The following CORO2B variants were observed in gnomAD, a reference collection of about 807,000 sequenced individuals.
CORO2B encodes the protein coronin 2B.
CORO2B carries 26 observed loss-of-function variants against 58.8 expected under a neutral mutation model. The ratio of observed to expected loss-of-function variants is 0.44; its 90% confidence interval spans 0.32 to 0.61. The LOEUF is 0.61. CORO2B is among the 20% of genes least tolerant of loss of function. The probability of loss-of-function intolerance (pLI) is 0.04; values close to 1 mark genes in which losing one functional copy is unlikely to be tolerated. For synonymous variants in CORO2B, 242 were observed against 253.8 expected (o/e 0.95, Z 0.44); for missense variants, 460 against 645.1 (o/e 0.71, Z 3.11).
chr15:68,618,080 A>G (rs564936246), intron 1 of CORO2B, among the ~76,000 whole-genome samples: 1 of 152,260 alleles, frequency 6.6e-6, no homozygotes, highest in East Asian at 1.9e-4. Context: ...CTTTTTTGCT[A>G]TAGTTGCTAG....
chr15:68,712,823 G>A (rs1166998485), intron 5 of CORO2B, among the ~76,000 whole-genome samples: 1 of 152,098 alleles, frequency 6.6e-6, no homozygotes, highest in East Asian at 1.9e-4. Flanking sequence ...GAATCTCACA[G>A]TTCCAGGAGG....
upstream of CORO2B, among the ~76,000 whole-genome samples, chr15:68,574,732 G>A (rs915758017): frequency 2.6e-5 from 4 of 152,206 alleles, no homozygotes; most frequent in African/African-American, 9.7e-5. Flanking sequence ...AGCCCATAAA[G>A]AGACAGAAGC....
intron 1 of CORO2B, among the ~76,000 whole-genome samples, chr15:68,633,974 G>A (rs1041723135): frequency 4.6e-5 from 7 of 152,264 alleles, no homozygotes; most frequent in African/African-American, 1.7e-4. Flanking sequence ...TCTGAACACG[G>A]GATCCCGGTT....
At position 68,584,191 on chromosome 15, in the gene CORO2B, G is replaced by C. The variant is rs760972160; in HGVS notation, c.15+4914G>C. 2.7e-4 allele frequency among the ~76,000 whole-genome samples: 41 copies of C among 152,204 alleles called. 2 individuals carry two copies. The highest frequency in any genetic ancestry group is 1.0e-4 in the Non-Finnish European group (7 of 68,046). The stretch of plus-strand genomic sequence containing the variant: ...CATGAGCCAGGAGACCTCTTGCCTT[G>C]CCTGCATACTGTAAGTGCCTAATGA... On this transcript the variant is annotated intron_variant, in intron 1 of 11. Coordinates refer to ENST00000261861, the MANE Select transcript of CORO2B (RefSeq NM_006091.5).
At chr15:68,520,728 C>G in the CORO2B span, among the ~76,000 whole-genome samples, 2 of 152,172 alleles carry the variant, frequency 1.3e-5, no homozygotes, top group African/African-American at 4.8e-5. Flanking sequence ...CCCTTGTAAA[C>G]AGCATAGCAT....
chr15:68,553,861 C>A, the CORO2B span, among the ~76,000 whole-genome samples: 1 of 152,198 alleles, frequency 6.6e-6, no homozygotes. Context: ...GCCTTACAAG[C>A]CGTGATGAAG....
At chr15:68,608,552 A>G (rs1293864491) in intron 1 of CORO2B, among the ~76,000 whole-genome samples, 1 of 152,180 alleles carries the variant, frequency 6.6e-6, no homozygotes, top group Non-Finnish European at 1.5e-5. Context: ...GTTGGGGGAC[A>G]TTCTGTTTTT....
upstream of CORO2B, among the ~76,000 whole-genome samples, chr15:68,575,657 G>A (rs1899270814): frequency 2.9e-5 from 4 of 140,146 alleles, no homozygotes; most frequent in Admixed American, 3.3e-4. Flanking sequence ...TTATACTGGT[G>A]TATTCACCTT....
intron 1 of CORO2B, among the ~76,000 whole-genome samples, chr15:68,580,209 C>G (rs1899391889): frequency 6.6e-6 from 1 of 152,216 alleles, no homozygotes; most frequent in Non-Finnish European, 1.5e-5. Context: ...TGTGAACCCA[C>G]ACTCTTCAGA....
intron 2 of CORO2B, among the ~76,000 whole-genome samples, chr15:68,681,226 AT>A (rs61684053): frequency 0.91 from 138,500 of 151,472 alleles, 63,574 homozygotes; most frequent in South Asian, 0.96. Flanking sequence ...TCAAAAAAAA[AT>A]TTTTTTTTGG....
At position 68,645,051 on chromosome 15, in the gene CORO2B, G is replaced by C; in HGVS notation, c.16-109G>C. The C allele has an allele frequency of 8.8e-7, 1 of 1,132,858 alleles. No homozygotes were observed. The highest frequency in any genetic ancestry group is 1.5e-5 in the South Asian group (1 of 65,188). 70.2% of individuals were successfully genotyped at this position (1,132,858 alleles called of 1,614,324 possible). ...CTTCCTGACAGGGGACCCAGGGCCT[G>C]CTCACCTGCTGCACCTCTGAGCCGC... is the stretch of plus-strand genomic sequence containing the variant. On this transcript the variant is annotated intron_variant, in intron 1 of 11. Coordinates refer to ENST00000261861, the MANE Select transcript of CORO2B (RefSeq NM_006091.5). This position sits in a 1 kb window ranked among gnomAD's most constrained non-coding sequence, Gnocchi z 4.5.
the CORO2B span, among the ~76,000 whole-genome samples, chr15:68,549,032 CAAACCAT>C: frequency 3.3e-5 from 5 of 151,888 alleles, no homozygotes; most frequent in Non-Finnish European, 7.4e-5. Context: ...TCCTCTTTCC[CAAACCAT>C]AAAGATACTC....
At chr15:68,700,801 G>A (rs1009172205) in intron 3 of CORO2B, among the ~76,000 whole-genome samples, 4 of 21,478 alleles carry the variant, frequency 1.9e-4, no homozygotes, top group African/African-American at 2.3e-4. Flanking sequence ...GCCAGCAGCC[G>A]CGGAGAGAGA....
At chr15:68,587,154 A>T (rs925913756) in intron 1 of CORO2B, among the ~76,000 whole-genome samples, 5 of 151,876 alleles carry the variant, frequency 3.3e-5, no homozygotes, top group African/African-American at 1.2e-4. Context: ...CAGGAGGCTG[A>T]GGCAGGAGAT....
intron 1 of CORO2B, among the ~76,000 whole-genome samples, chr15:68,641,195 G>C (rs1037434441): frequency 6.6e-6 from 1 of 152,170 alleles, no homozygotes; most frequent in Non-Finnish European, 1.5e-5. Context: ...CTCATTCTAG[G>C]GCCTGCCCAG....
At chr15:68,581,129 TCCATGAAAGTGGGTGCTTACCTGTTAAG>T (rs1191111858) in intron 1 of CORO2B, among the ~76,000 whole-genome samples, 1 of 151,764 alleles carries the variant, frequency 6.6e-6, no homozygotes, top group Non-Finnish European at 1.5e-5. Flanking sequence ...GGACAGGGAG[TCCATGAAAGTGGGTGCTTACCTGTTAAG>T]CCCACTGGCA....
At chr15:68,616,699 A>G in intron 1 of CORO2B, 2 of 842,122 alleles carry the variant, frequency 2.4e-6, no homozygotes, top group Non-Finnish European at 2.9e-6. Flanking sequence ...GGCGAGGGCT[A>G]GCGTTATCAA....
At chr15:68,558,746 C>T in the CORO2B span, among the ~76,000 whole-genome samples, 4 of 152,102 alleles carry the variant, frequency 2.6e-5, no homozygotes, top group South Asian at 6.2e-4. Context: ...GGTCACCCAC[C>T]TCCTTTCTAG....
At chr15:68,522,261 T>C in the CORO2B span, among the ~76,000 whole-genome samples, 5 of 152,214 alleles carry the variant, frequency 3.3e-5, no homozygotes, top group African/African-American at 7.2e-5. Flanking sequence ...TTCTTAGTCA[T>C]TATTTCCATA....
Sources: gnomAD v4.1 joint callset for allele counts (sites outside exome capture counted in the v4.1 genomes callset) on GRCh38, gnomAD v4.1.1 for gene constraint, Gnocchi (gnomAD v3.1) non-coding constraint, MANE v1.5 for transcripts, NCBI Gene and HGNC (gene_info 2026-07-23, HGNC 2026-07-21) for gene names.